Variants in GABRA3 observed in about 807,000 individuals in gnomAD.
GABRA3 encodes the protein gamma-aminobutyric acid receptor subunit alpha-3.
A neutral mutation model predicts 30.1 loss-of-function variants in GABRA3; 10 were observed. That is an observed-to-expected ratio of 0.33 (90% CI 0.20 to 0.56). The LOEUF (loss-of-function observed/expected upper bound fraction) is 0.56. GABRA3 is among the 20% of genes least tolerant of loss of function. GABRA3 has a pLI of 0.89. For missense variants in GABRA3, 233 were observed against 392.0 expected (o/e 0.59, Z 3.42); for synonymous variants, 151 against 146.8 (o/e 1.03, Z -0.21).
intron 1 of GABRA3, among the ~76,000 whole-genome samples, chrX:152,381,911 T>C (rs1929155750): frequency 9.0e-6 from 1 of 111,718 alleles, no homozygotes; most frequent in Non-Finnish European, 1.9e-5. Flanking sequence ...TAGTATTCCA[T>C]GGTGCCTATG....
intron 3 of GABRA3, among the ~76,000 whole-genome samples, chrX:152,343,001 CTTGAG>C (rs1320459875): frequency 9.0e-6 from 1 of 111,662 alleles, no homozygotes; most frequent in African/African-American, 3.3e-5. Flanking sequence ...GGAGTACATC[CTTGAG>C]TTGTGAGGTA....
chrX:152,441,012 A>G (rs1344709788), intron 1 of GABRA3, among the ~76,000 whole-genome samples: 1 of 2,787 alleles, frequency 3.6e-4, no homozygotes, highest in African/African-American at 5.7e-4. Context: ...ATAGTATAAT[A>G]AAAAAAAAAA....
intron 7 of GABRA3, among the ~76,000 whole-genome samples, chrX:152,205,029 T>C (rs756150356): frequency 2.7e-5 from 3 of 111,998 alleles, no homozygotes; most frequent in Non-Finnish European, 5.6e-5. Context: ...TGTGTCTCTA[T>C]GTTCAAATTT....
intron 1 of GABRA3, among the ~76,000 whole-genome samples, chrX:152,378,581 A>G (rs929290569): frequency 1.8e-5 from 2 of 111,617 alleles, no homozygotes; most frequent in African/African-American, 6.5e-5. Context: ...AATGAAAAAA[A>G]CACACACACA....
intron 1 of GABRA3, among the ~76,000 whole-genome samples, chrX:152,385,117 T>A (rs1929264535): frequency 1.8e-5 from 2 of 111,456 alleles, no homozygotes; most frequent in Non-Finnish European, 1.9e-5. Flanking sequence ...TAATACAAAG[T>A]TTGGCAAGAA....
At chrX:152,209,827 A>G (rs771440407) in intron 6 of GABRA3, among the ~76,000 whole-genome samples, 1 of 112,713 alleles carries the variant, frequency 8.9e-6, no homozygotes, top group African/African-American at 3.2e-5. Flanking sequence ...AAATATTCAT[A>G]ACTCTATGGT....
chrX:152,375,518 C>T (rs1416334838), intron 1 of GABRA3, among the ~76,000 whole-genome samples: 1 of 112,238 alleles, frequency 8.9e-6, no homozygotes, highest in African/African-American at 3.2e-5. Flanking sequence ...TTGATCCTTT[C>T]ATTGTCACCC....
chrX:152,168,781 CTA>C (rs113886840), intron 9 of GABRA3, among the ~76,000 whole-genome samples: 217 of 112,073 alleles, frequency 1.9e-3, no homozygotes, highest in African/African-American at 6.3e-3. Context: ...GGCTCACGAG[CTA>C]TGTCGCTTTG....
chrX:152,417,467 C>T (rs372277878), intron 1 of GABRA3, among the ~76,000 whole-genome samples: 2,314 of 108,778 alleles, frequency 0.021, 33 homozygotes, highest in South Asian at 0.056. Context: ...GTCAGTGTGG[C>T]GATTCCTCAG....
At chrX:152,435,531 G>C (rs1273329240) in intron 1 of GABRA3, among the ~76,000 whole-genome samples, 2 of 108,318 alleles carry the variant, frequency 1.8e-5, no homozygotes, top group African/African-American at 3.4e-5. Context: ...CACTCATAAG[G>C]GGGAGTTGAA....
rs190917398 is a variant in GABRA3, at chrX:152,225,174, C to T, written c.552-329G>A. Among the ~76,000 whole-genome samples the T allele has an allele frequency of 3.1e-3, 345 of 110,382 alleles. 1 individual carries two copies. The highest frequency in any genetic ancestry group is 5.5e-3 in the Non-Finnish European group (291 of 52,887). ...GAAACACCAGGTTCTGACTCATTCACTTCTGATTGCAGTTTAATTATTTCC... is the reference window on the plus strand; with the variant it reads ...GAAACACCAGGTTCTGACTCATTCATTTCTGATTGCAGTTTAATTATTTCC... On this transcript the variant is annotated intron_variant, in intron 5 of 9. Transcript: ENST00000370314.
chrX:152,411,280 A>G, intron 1 of GABRA3, among the ~76,000 whole-genome samples: 1 of 111,353 alleles, frequency 9.0e-6, no homozygotes, highest in Non-Finnish European at 1.9e-5. Flanking sequence ...GTGCCACTGA[A>G]CTCAAGCCTG....
chrX:152,278,378 C>A (rs963127453), intron 4 of GABRA3, among the ~76,000 whole-genome samples: 61 of 108,739 alleles, frequency 5.6e-4, no homozygotes, highest in Non-Finnish European at 1.0e-3. Context: ...TTTGTCCTTG[C>A]AATAGTTTGC....
At chrX:152,193,890 G>A (rs1463579646) in intron 8 of GABRA3, among the ~76,000 whole-genome samples, 6 of 111,113 alleles carry the variant, frequency 5.4e-5, no homozygotes, top group African/African-American at 9.8e-5. Context: ...CCAGCTACTC[G>A]GGAGGCTGAG....
intron 3 of GABRA3, among the ~76,000 whole-genome samples, chrX:152,324,329 GA>G (rs752862760): frequency 5.4e-5 from 6 of 112,014 alleles, no homozygotes; most frequent in Non-Finnish European, 1.1e-4. Flanking sequence ...GTAAGCTTTG[GA>G]AAAACAGATA....
chrX:152,294,129 T>C (rs974381875), intron 3 of GABRA3, among the ~76,000 whole-genome samples: 1 of 111,187 alleles, frequency 9.0e-6, no homozygotes, highest in African/African-American at 3.3e-5. Flanking sequence ...TTGAGGAGTA[T>C]CTTTGTGGTC....
intron 1 of GABRA3, among the ~76,000 whole-genome samples, chrX:152,400,449 C>T (rs1929766898): frequency 9.0e-6 from 1 of 111,097 alleles, no homozygotes; most frequent in Non-Finnish European, 1.9e-5. Context: ...TTGGAGGCTG[C>T]AGTGAGCTGT....
chrX:152,334,715 G>A (rs1174937399), intron 3 of GABRA3, among the ~76,000 whole-genome samples: 1 of 109,703 alleles, frequency 9.1e-6, no homozygotes, highest in East Asian at 2.9e-4. Context: ...TTGAAACAAC[G>A]AAATAAAGTT....
At chrX:152,259,482 C>T (rs992388050) in intron 4 of GABRA3, among the ~76,000 whole-genome samples, 3 of 111,352 alleles carry the variant, frequency 2.7e-5, no homozygotes, top group African/African-American at 9.8e-5. Context: ...CGCTTCCTTC[C>T]ACTCGAGTAG....
Sources: allele counts gnomAD v4.1 joint callset (sites outside exome capture counted in the v4.1 genomes callset), GRCh38; gene constraint gnomAD v4.1.1; transcripts MANE v1.5; gene names NCBI Gene and HGNC (gene_info 2026-07-23, HGNC 2026-07-21).